Variants in PRKAB2 observed in about 807,000 individuals in gnomAD.
PRKAB2 encodes the protein 5'-AMP-activated protein kinase subunit beta-2.
A neutral mutation model predicts 29.8 loss-of-function variants in PRKAB2; 18 were observed. The observed-to-expected ratio is 0.60, with a 90% CI of 0.42 to 0.89. PRKAB2 has a LOEUF of 0.89. Among genes scored for constraint, PRKAB2 ranks in the 40% least tolerant of loss-of-function variants. The pLI is 0.00. For missense variants in PRKAB2, 270 were observed against 344.3 expected, an observed-to-expected ratio of 0.78 and a Z score of 1.71; for synonymous variants, 136 against 125.9, an observed-to-expected ratio of 1.08 and a Z score of -0.54.
At chr1:147,160,292 G>A (rs1351368731) in intron 7 of PRKAB2, among the ~76,000 whole-genome samples, 1 of 152,064 alleles carries the variant, frequency 6.6e-6, no homozygotes, top group Admixed American at 6.6e-5. Flanking sequence ...TAAACAATAT[G>A]AGAGAATCAG....
At chr1:147,166,425 A>G in intron 5 of PRKAB2, 73 bp downstream of exon 5, 1 of 1,515,442 alleles carries the variant, frequency 6.6e-7, no homozygotes, top group Non-Finnish European at 9.0e-7. Context: ...ATATGTATAT[A>G]CACACATAAA....
At position 147,162,565 on chromosome 1, in the gene PRKAB2, T is replaced by C; in HGVS notation, c.547A>G (p.Ser183Gly). ...SSETSCRDLS[S>G]SPPGPYGQEM... ...TGACCATAAGGCCCTGGGGGTGAGC[T>C]GGAAAGGTCTGAAAGATATTTATAC... The change falls in exon 6 of 8, where the codon AGC (serine) becomes GGC (glycine). Residue 183 changes from serine to glycine, a missense_variant. By Grantham distance (56) the Ser-to-Gly change is moderately conservative. Coordinates refer to ENST00000254101, the MANE Select transcript of PRKAB2 (RefSeq NM_005399.5). 6.2e-7 allele frequency: 1 copy of C among 1,607,002 alleles called. No homozygotes were observed.
At chr1:147,160,404 T>C (rs1653898709) in intron 7 of PRKAB2, among the ~76,000 whole-genome samples, 2 of 152,284 alleles carry the variant, frequency 1.3e-5, no homozygotes, top group South Asian at 2.1e-4. Context: ...GGCTGTGTTG[T>C]AGACTACAGA....
intron 2 of PRKAB2, among the ~76,000 whole-genome samples, chr1:147,169,416 G>A (rs960885098): frequency 2.0e-5 from 3 of 152,106 alleles, no homozygotes; most frequent in Admixed American, 6.5e-5. Context: ...AACTGGCTGC[G>A]TTAGAATTAC....
At chr1:147,167,108 CT>C (rs1654288575) in intron 3 of PRKAB2, among the ~76,000 whole-genome samples, 169 bp from the exon 4 acceptor site, 1 of 152,198 alleles carries the variant, frequency 6.6e-6, no homozygotes. Flanking sequence ...TCTGTATCAT[CT>C]TGGACATGTA....
In PRKAB2 at chr1:147,155,880, T is replaced by C. The variant is rs1653648884; in HGVS notation, c.*3685A>G. 1 of 152,488 alleles carries C rather than the reference T, an allele frequency of 6.6e-6. No homozygotes were observed. The highest frequency in any genetic ancestry group is 1.5e-5 in the Non-Finnish European group (1 of 68,018). The allele number at this position is 152,488 out of a possible 1,614,324, so 9.4% of individuals were successfully genotyped here. A position where few individuals can be genotyped will look rare whatever the true frequency, so the allele number is the denominator to read the frequency against. ...AAGTAATAGACTTGAGTTTTTCTCT[T>C]TTTTCCCTTCTTTCTTATAATTTAA... is the stretch of plus-strand genomic sequence containing the variant. On this transcript the variant is annotated 3_prime_UTR_variant, in exon 8 of 8. Transcript: ENST00000254101.
intron 6 of PRKAB2, 26 bp downstream of exon 6, chr1:147,162,414 G>A (rs1170900559): frequency 2.5e-6 from 4 of 1,597,828 alleles, no homozygotes; most frequent in Non-Finnish European, 2.6e-6. Flanking sequence ...ACCCCCAGAT[G>A]CCCCAGTAAT....
intron 3 of PRKAB2, 53 bp from the exon 4 acceptor site, chr1:147,166,992 A>T: frequency 7.0e-7 from 1 of 1,429,410 alleles, no homozygotes; most frequent in Non-Finnish European, 9.8e-7. Flanking sequence ...AGAAGACTGA[A>T]TCTAAAAAAC....
chr1:147,168,211 A>C lies in PRKAB2; in HGVS notation c.157-278T>G, dbSNP rs10751402. 0.58 allele frequency among the ~76,000 whole-genome samples: 86,782 copies of C among 150,448 alleles called. 27,707 individuals are homozygous for C. Among genetic ancestry groups the C allele is most frequent in the East Asian group, 0.86 (4,395 of 5,128 alleles). On this transcript the variant is annotated intron_variant, in intron 2 of 7. Coordinates refer to ENST00000254101, the MANE Select transcript of PRKAB2 (RefSeq NM_005399.5). Reference sequence around the variant, plus strand: ...CTTCCAGAGCCTTAGACTCTCCCTTAAAAAAAAAAGAAAAAAATAACTCCC... The same window carrying C: ...CTTCCAGAGCCTTAGACTCTCCCTTCAAAAAAAAAGAAAAAAATAACTCCC...
chr1:147,165,955 G>A (rs1654223995), intron 5 of PRKAB2, among the ~76,000 whole-genome samples: 2 of 152,078 alleles, frequency 1.3e-5, no homozygotes, highest in East Asian at 1.9e-4. Flanking sequence ...GTGCCATTAC[G>A]CTCGGCTAAT....
At position 147,171,981 on chromosome 1, in the gene PRKAB2, A is replaced by T; in HGVS notation, c.156+8T>A. On this transcript the variant is annotated splice_region_variant and intron_variant, in intron 2 of 7. Coordinates refer to ENST00000254101, the MANE Select transcript of PRKAB2 (RefSeq NM_005399.5). ...TACTGACACCAACTGCGGGCATGGG[A>T]CGCTTACCTTGGAGTCAGGGAGGCT... 1 of 1,598,806 alleles carries T rather than the reference A, an allele frequency of 6.3e-7. No individual in the cohort carries two copies.
Position 147,172,109 on chromosome 1 carries a change from C to A in PRKAB2, c.36G>T (p.Glu12Asp). The A allele has an allele frequency of 6.4e-7, 1 of 1,556,274 alleles. No homozygotes were observed. The highest frequency in any genetic ancestry group is 8.7e-7 in the Non-Finnish European group (1 of 1,150,928). ...AGCGTGCAGCCTTGGCGCCGTGGCG[C>A]TCCCCGGACACCCGGTCGCTGGTGG... is the stretch of plus-strand genomic sequence containing the variant. ...GNTTSDRVSG[E>D]RHGAKAARSE... is the part of the protein sequence containing the mutation. Residue 12 changes from glutamate to aspartate, a missense_variant, in exon 2 of 8, where the codon GAG becomes GAT. By Grantham distance (45) the Glu-to-Asp change is conservative. Coordinates refer to ENST00000254101, the MANE Select transcript of PRKAB2 (RefSeq NM_005399.5).
intron 2 of PRKAB2, among the ~76,000 whole-genome samples, chr1:147,168,317 G>C (rs1654353202): frequency 6.6e-6 from 1 of 152,066 alleles, no homozygotes; most frequent in Non-Finnish European, 1.5e-5. Flanking sequence ...TGAAAACAAA[G>C]TATGGTTCTG....
At chr1:147,171,948 C>T (rs1654641674) in intron 2 of PRKAB2, 41 bp downstream of exon 2, 2 of 1,578,578 alleles carry the variant, frequency 1.3e-6, no homozygotes, top group Admixed American at 1.8e-5. Flanking sequence ...GAAATCAACC[C>T]GCTGCAGTAC....
intron 7 of PRKAB2, chr1:147,160,695 G>A (rs1231126518): frequency 6.6e-6 from 1 of 151,998 alleles, no homozygotes. Context: ...GAATACCTGA[G>A]AAAAACCTAC....
chr1:147,166,772 A>G, intron 4 of PRKAB2, 74 bp downstream of exon 4: 4 of 1,553,968 alleles, frequency 2.6e-6, no homozygotes, highest in Non-Finnish European at 3.5e-6. Context: ...GCAGCTGCCC[A>G]TCAGTCTTGA....
chr1:147,172,347 T>G (rs1207364199), intron 1 of PRKAB2, 82 bp downstream of exon 1: 1 of 693,742 alleles, frequency 1.4e-6, no homozygotes, highest in Non-Finnish European at 2.3e-6. Flanking sequence ...GTGCCCTCAC[T>G]GGCCCTAGCT....
chr1:147,165,976 T>G (rs1654225740), intron 5 of PRKAB2, among the ~76,000 whole-genome samples: 2 of 152,282 alleles, frequency 1.3e-5, no homozygotes, highest in South Asian at 4.1e-4. Flanking sequence ...TTTTAAAAAT[T>G]TTTTGTAGAG....
intron 3 of PRKAB2, 35 bp downstream of exon 3, chr1:147,167,732 C>T: frequency 6.3e-7 from 1 of 1,596,356 alleles, no homozygotes. Flanking sequence ...GGTCTCTATT[C>T]CTGGACCCTT....
Sources: gnomAD v4.1 joint callset for allele counts (sites outside exome capture counted in the v4.1 genomes callset) on GRCh38, gnomAD v4.1.1 for gene constraint, MANE v1.5 for transcripts, NCBI Gene and HGNC (gene_info 2026-07-23, HGNC 2026-07-21) for gene names.